PBX1: variants seen among roughly 807,000 people sequenced by gnomAD.
PBX1 encodes the protein pre-B-cell leukemia transcription factor 1.
Under a neutral mutation model 53.4 loss-of-function variants are expected in PBX1, and 6 were observed. The ratio of observed to expected loss-of-function variants is 0.11; its 90% CI spans 0.06 to 0.22. PBX1 has a LOEUF of 0.22. Among genes scored for constraint, PBX1 ranks in the 10% least tolerant of loss-of-function variants. The pLI is 1.00. For missense variants in PBX1, 251 were observed against 551.4 expected (o/e 0.46, Z 5.46); for synonymous variants, 204 against 212.3 (o/e 0.96, Z 0.34).
chr1:164,665,753 G>GA (rs1557927443), intron 2 of PBX1, among the ~76,000 whole-genome samples: 4 of 152,162 alleles, frequency 2.6e-5, no homozygotes, highest in African/African-American at 7.2e-5. Context: ...CTAACATCAG[G>GA]AATGTGGCCG....
intron 2 of PBX1, among the ~76,000 whole-genome samples, chr1:164,626,384 A>G (rs1286490288): frequency 6.6e-6 from 1 of 152,174 alleles, no homozygotes; most frequent in East Asian, 1.9e-4. Flanking sequence ...CCCACTGCCC[A>G]GGGCTGAGCA....
At chr1:164,785,285 T>A (rs1254751442) in intron 2 of PBX1, among the ~76,000 whole-genome samples, 1 of 152,076 alleles carries the variant, frequency 6.6e-6, no homozygotes, top group Non-Finnish European at 1.5e-5. Flanking sequence ...AAAATCACCA[T>A]TAAAAAAGGC....
At chr1:164,652,977 C>T (rs940707659) in intron 2 of PBX1, among the ~76,000 whole-genome samples, 1 of 151,316 alleles carries the variant, frequency 6.6e-6, no homozygotes, top group African/African-American at 2.4e-5. Flanking sequence ...TCAAGTAGTT[C>T]TGCCTCAGCC....
At chr1:164,773,906 C>T (rs571389201) in intron 2 of PBX1, among the ~76,000 whole-genome samples, 14 of 152,340 alleles carry the variant, frequency 9.2e-5, no homozygotes, top group Admixed American at 7.8e-4. Context: ...AGGCCCAGAA[C>T]TTAAGAAAGC....
chr1:164,617,587 A>G (rs1352128907), intron 2 of PBX1, among the ~76,000 whole-genome samples: 4 of 152,204 alleles, frequency 2.6e-5, no homozygotes, highest in African/African-American at 9.6e-5. Context: ...GAGGTTTAAT[A>G]TGTTAATGTG....
intron 2 of PBX1, among the ~76,000 whole-genome samples, chr1:164,775,285 C>G (rs1571382916): frequency 6.6e-6 from 1 of 152,130 alleles, no homozygotes; most frequent in Admixed American, 6.5e-5. Flanking sequence ...AGATCACTGC[C>G]CCAGACTTGC....
At chr1:164,776,737 T>A (rs1366320732) in intron 2 of PBX1, among the ~76,000 whole-genome samples, 1 of 152,144 alleles carries the variant, frequency 6.6e-6, no homozygotes, top group African/African-American at 2.4e-5. Flanking sequence ...AATAAAAGAT[T>A]TCTTTTCTGT....
chr1:164,788,494 A>G (rs1010564224), intron 2 of PBX1, among the ~76,000 whole-genome samples: 3 of 151,732 alleles, frequency 2.0e-5, no homozygotes, highest in African/African-American at 4.8e-5. Context: ...GGCTACAAAT[A>G]TGAGCATGCA....
intron 2 of PBX1, among the ~76,000 whole-genome samples, chr1:164,731,905 A>G (rs1490906982): frequency 6.6e-6 from 1 of 152,140 alleles, no homozygotes; most frequent in Non-Finnish European, 1.5e-5. Flanking sequence ...CTGACCTTCC[A>G]GCATCACCAG....
At chr1:164,763,337 G>A (rs1428372478) in intron 2 of PBX1, among the ~76,000 whole-genome samples, 1 of 152,184 alleles carries the variant, frequency 6.6e-6, no homozygotes, top group African/African-American at 2.4e-5. Flanking sequence ...CATTCCATCT[G>A]CATTCCAGGC....
chr1:164,808,044 A>AT (rs532577511), intron 5 of PBX1, among the ~76,000 whole-genome samples: 83 of 152,284 alleles, frequency 5.5e-4, no homozygotes, highest in African/African-American at 1.9e-3. Context: ...TTCCTTAGCC[A>AT]TTTTTTGCCC....
chr1:164,599,638 C>T (rs1381776023), intron 2 of PBX1, among the ~76,000 whole-genome samples: 2 of 152,138 alleles, frequency 1.3e-5, no homozygotes, highest in African/African-American at 2.4e-5. Flanking sequence ...GGTTTGGACA[C>T]AGGATGCCTG....
intron 2 of PBX1, among the ~76,000 whole-genome samples, chr1:164,628,142 TG>T (rs1447350682): frequency 3.3e-5 from 5 of 152,226 alleles, no homozygotes; most frequent in African/African-American, 1.2e-4. Context: ...GAATTTAAAA[TG>T]TCATTATTTA....
chr1:164,771,758 G>A (rs973918811), intron 2 of PBX1, among the ~76,000 whole-genome samples: 1 of 152,104 alleles, frequency 6.6e-6, no homozygotes, highest in African/African-American at 2.4e-5. Context: ...GTTACTCATA[G>A]GCAATCAGAA....
At chr1:164,885,646 A>G (rs1474138514) in intron 2 of PBX1, among the ~76,000 whole-genome samples, 1 of 152,156 alleles carries the variant, frequency 6.6e-6, no homozygotes, top group Non-Finnish European at 1.5e-5. Context: ...TTGGGCAAGT[A>G]ATTTTCCCAT....
At chr1:164,789,468 C>T (rs1213843473) in intron 2 of PBX1, among the ~76,000 whole-genome samples, 1 of 152,204 alleles carries the variant, frequency 6.6e-6, no homozygotes, top group Non-Finnish European at 1.5e-5. Context: ...CTCTGCCTTG[C>T]CTCTCCCTTC....
chr1:164,718,993 G>A (rs1290364444), intron 2 of PBX1, among the ~76,000 whole-genome samples: 1 of 152,096 alleles, frequency 6.6e-6, no homozygotes, highest in Non-Finnish European at 1.5e-5. Context: ...CTCACCCTCA[G>A]GATCTGGCCA....
At chr1:164,792,359 C>G (rs1024293607) in intron 2 of PBX1, 135 bp from the exon 3 acceptor site, 2 of 1,437,944 alleles carry the variant, frequency 1.4e-6, no homozygotes, top group Non-Finnish European at 1.8e-6. Flanking sequence ...CTTTTTCCAG[C>G]CTTTCTTCTA....
intron 2 of PBX1, among the ~76,000 whole-genome samples, chr1:164,711,475 T>A (rs1663774469): frequency 1.3e-5 from 2 of 152,136 alleles, no homozygotes; most frequent in African/African-American, 4.8e-5. Context: ...ATGTTAGCCA[T>A]GATGGTCTCG....
Sources: gnomAD v4.1 joint callset for allele counts (sites outside exome capture counted in the v4.1 genomes callset) on GRCh38, gnomAD v4.1.1 for gene constraint, MANE v1.5 for transcripts, NCBI Gene and HGNC (gene_info 2026-07-23, HGNC 2026-07-21) for gene names.